Variants in FMO3 observed in about 807,000 individuals in gnomAD.
FMO3 encodes the protein flavin-containing monooxygenase 3.
FMO3 carries 40 observed loss-of-function variants against 39.4 expected under a neutral mutation model. The ratio of observed to expected loss-of-function variants is 1.02; its 90% confidence interval spans 0.79 to 1.32. FMO3 has a LOEUF of 1.32. FMO3 is among the 40% of genes most tolerant of loss of function. The pLI is 0.00. For synonymous variants in FMO3, 219 were observed against 228.8 expected (o/e 0.96, Z 0.39); for missense variants, 680 against 651.8 (o/e 1.04, Z -0.47).
At chr1:171,096,315 TTATATATAA>T (rs1655047510) in intron 2 of FMO3, among the ~76,000 whole-genome samples, 1 of 94,060 alleles carries the variant, frequency 1.1e-5, no homozygotes, top group African/African-American at 4.5e-5. Flanking sequence ...TATATAATAT[TTATATATAA>T]TATATAAAAT....
At chr1:171,106,339 C>T (rs1489770567) in intron 3 of FMO3, among the ~76,000 whole-genome samples, 1 of 152,084 alleles carries the variant, frequency 6.6e-6, no homozygotes, top group African/African-American at 2.4e-5. Context: ...GGGGTTTCTC[C>T]ATGTTGGTCA....
At chr1:171,109,934 C>A (rs1323342837) in intron 5 of FMO3, among the ~76,000 whole-genome samples, 1 of 151,984 alleles carries the variant, frequency 6.6e-6, no homozygotes. Context: ...ACAAAGAAAG[C>A]CTGAAAACTA....
chr1:171,114,031 T>C lies in FMO3; in HGVS notation c.852T>C (p.Phe284=), dbSNP rs780656233. ...GAGTCCTGAGGAAAGAGCCTGTATT[T>C]AACGATGAGCTCCCAGCAAGCATTC... is the stretch of plus-strand genomic sequence containing the variant. ...LNGVLRKEPV[F]NDELPASILC... Residue 284 remains phenylalanine, a synonymous_variant, in exon 7 of 9, where the codon TTT becomes TTC. Transcript: ENST00000367755. 6.2e-7 allele frequency: 1 copy of C among 1,611,704 alleles called. No individual in the cohort carries two copies. Among genetic ancestry groups the C allele is most frequent in the Admixed American group, 1.7e-5 (1 of 59,756 alleles).
chr1:171,105,853 G>A (rs538828024), intron 3 of FMO3, among the ~76,000 whole-genome samples: 120 of 151,884 alleles, frequency 7.9e-4, no homozygotes, highest in Non-Finnish European at 1.5e-3. Context: ...GAAAACTCTC[G>A]CCAAACTTAG....
Position 171,116,245 on chromosome 1 carries a change from T to A in FMO3, c.1221T>A (p.Asn407Lys), listed in dbSNP as rs79553697. The change falls in exon 8 of 9, where the codon AAT (asparagine) becomes AAA (lysine). Residue 407 changes from asparagine to lysine, a missense_variant. Coordinates refer to ENST00000367755, the MANE Select transcript of FMO3 (RefSeq NM_001002294.3). Reference protein sequence around the residue: ...CTLPSMEDMMNDINEKMEKKR... With the variant: ...CTLPSMEDMMKDINEKMEKKR... ...TGCCTTCTATGGAAGACATGATGAA[T>A]GATATTAATGAGAAAATGGAGAAAA... 3.1e-6 allele frequency: 5 copies of A among 1,604,904 alleles called. No individual in the cohort carries two copies. In the African/African-American group the frequency reaches 4.0e-5, roughly 13 times the overall value.
At chr1:171,095,051 A>G (rs1427412353) in intron 2 of FMO3, among the ~76,000 whole-genome samples, 1 of 152,152 alleles carries the variant, frequency 6.6e-6, no homozygotes, top group Non-Finnish European at 1.5e-5. Context: ...CTTCCAATCC[A>G]TGAGCATGAG....
rs1654671367 is a variant in FMO3, at chr1:171,090,924, A to G, written c.-64A>G. On this transcript the variant is annotated 5_prime_UTR_variant, in exon 1 of 9. Transcript: ENST00000367755. ...TCTTTCAAACTGCCCAGACGGTTGG[A>G]CAGGACGTAGACACACAGAAGAAAA... 2 of 152,234 alleles carry G rather than the reference A, an allele frequency of 1.3e-5. No homozygotes were observed. Among genetic ancestry groups the G allele is most frequent in the Non-Finnish European group, 2.9e-5 (2 of 68,092 alleles). The allele number at this position is 152,234 out of a possible 1,614,324, so 9.4% of individuals were successfully genotyped here.
rs1440829703 is a variant in FMO3 at position 171,103,847 on chromosome 1, G to C, written c.195G>C (p.Glu65Asp). The C allele has an allele frequency of 6.2e-7, 1 of 1,613,874 alleles. No individual in the cohort carries two copies. Among genetic ancestry groups the C allele is most frequent in the East Asian group, 2.2e-5 (1 of 44,852 alleles). ...YKSVFSNSSK[E>D]MMCFPDFPFP... is the part of the protein sequence containing the mutation. Reference sequence around the variant, plus strand: ...CAGTCTTTTCCAACTCTTCCAAAGAGATGATGTGTTTCCCAGACTTCCCAT... The same window carrying C: ...CAGTCTTTTCCAACTCTTCCAAAGACATGATGTGTTTCCCAGACTTCCCAT... The change falls in exon 3 of 9, where the codon GAG becomes GAC. Residue 65 changes from glutamate (E) to aspartate (D), a missense_variant. Coordinates refer to ENST00000367755, the MANE Select transcript of FMO3 (RefSeq NM_001002294.3).
chr1:171,091,615 G>A (rs148451696), intron 1 of FMO3, among the ~76,000 whole-genome samples: 2,934 of 151,812 alleles, frequency 0.019, 40 homozygotes, highest in Middle Eastern at 0.051. Context: ...CGGAGAGAAG[G>A]TCTCACTCTG....
Position 171,108,155 on chromosome 1 carries a change from C to G in FMO3, c.561C>G (p.Val187=). ...CAGGTGTATTCAATGGAAAGCGTGT[C>G]CTGGTGGTTGGCCTGGGGAATTCGG... ...KEPGVFNGKR[V]LVVGLGNSGC... is the part of the protein sequence containing the mutation. Residue 187 remains valine, a synonymous_variant, in exon 5 of 9, where the codon GTC becomes GTG. Coordinates refer to ENST00000367755, the MANE Select transcript of FMO3 (RefSeq NM_001002294.3). 1.9e-6 allele frequency: 3 copies of G among 1,613,888 alleles called. No individual in the cohort carries two copies. Among genetic ancestry groups the G allele is most frequent in the Non-Finnish European group, 2.5e-6 (3 of 1,179,916 alleles).
intron 2 of FMO3, among the ~76,000 whole-genome samples, chr1:171,093,323 A>G (rs759581739): frequency 6.6e-6 from 1 of 152,016 alleles, no homozygotes; most frequent in African/African-American, 2.4e-5. Flanking sequence ...CCCACATTCT[A>G]TGTCAATGTG....
intron 3 of FMO3, 122 bp downstream of exon 3, chr1:171,104,095 GC>G (rs1278296592): frequency 1.3e-6 from 1 of 787,936 alleles, no homozygotes; most frequent in African/African-American, 1.7e-5. Flanking sequence ...TAACAGTGTG[GC>G]CTCTCTAACT....
At chr1:171,092,152 AT>A (rs960362331) in intron 1 of FMO3, among the ~76,000 whole-genome samples, 3 of 151,384 alleles carry the variant, frequency 2.0e-5, no homozygotes, top group South Asian at 2.1e-4. Context: ...CAAAGTGCTT[AT>A]TTTTTTTTCA....
At chr1:171,109,945 C>G (rs1655832314) in intron 5 of FMO3, among the ~76,000 whole-genome samples, 1 of 152,136 alleles carries the variant, frequency 6.6e-6, no homozygotes, top group Non-Finnish European at 1.5e-5. Context: ...CTGAAAACTA[C>G]ACTATTATGG....
At position 171,103,841 on chromosome 1, in the gene FMO3, CA is replaced by C. The variant is rs1331111339; in HGVS notation, c.192del (p.Glu65ArgfsTer2). ...ACAAATCAGTCTTTTCCAACTCTTC[CA>C]AAGAGATGATGTGTTTCCCAGACTT... ...IYKSVFSNSS[K>X]EMMCFPDFPF... On this transcript the variant is annotated frameshift_variant, in exon 3 of 9. Coordinates refer to ENST00000367755, the MANE Select transcript of FMO3 (RefSeq NM_001002294.3). LOFTEE classifies it high-confidence loss of function. 18 of 1,613,728 alleles carry C rather than the reference CA, an allele frequency of 1.1e-5. No individual in the cohort carries two copies. Among genetic ancestry groups the C allele is most frequent in the Non-Finnish European group, 1.4e-5 (17 of 1,179,748 alleles).
At chr1:171,103,508 A>C (rs1403269277) in intron 2 of FMO3, among the ~76,000 whole-genome samples, 1 of 152,204 alleles carries the variant, frequency 6.6e-6, no homozygotes, top group Non-Finnish European at 1.5e-5. Flanking sequence ...AATCAAAATC[A>C]AAAAACAATA....
At chr1:171,106,740 T>C (rs553693661) in intron 3 of FMO3, among the ~76,000 whole-genome samples, 1 of 152,226 alleles carries the variant, frequency 6.6e-6, no homozygotes, top group African/African-American at 2.4e-5. Context: ...CTAGAATTCA[T>C]AGCAATATAA....
intron 2 of FMO3, among the ~76,000 whole-genome samples, chr1:171,095,503 A>G (rs1270289653): frequency 1.3e-5 from 2 of 151,806 alleles, no homozygotes; most frequent in African/African-American, 4.8e-5. Context: ...ATGCAAATTT[A>G]GGAAGATTAA....
At chr1:171,091,537 T>C (rs1037525036) in intron 1 of FMO3, among the ~76,000 whole-genome samples, 1 of 151,910 alleles carries the variant, frequency 6.6e-6, no homozygotes. Context: ...TAGAGGGGAA[T>C]GGACGCTGAA....
Sources: gnomAD v4.1 joint callset for allele counts (sites outside exome capture counted in the v4.1 genomes callset) on GRCh38, gnomAD v4.1.1 for gene constraint, MANE v1.5 for transcripts, NCBI Gene and HGNC (gene_info 2026-07-23, HGNC 2026-07-21) for gene names.